CLEC17A: variants seen among roughly 807,000 people sequenced by gnomAD.
The protein encoded by CLEC17A is C-type lectin domain family 17, member A.
CLEC17A carries 37 observed loss-of-function variants against 61.3 expected under a neutral mutation model. The ratio of observed to expected loss-of-function variants is 0.60; its 90% confidence interval spans 0.46 to 0.79. The LOEUF (loss-of-function observed/expected upper bound fraction) is 0.79. CLEC17A is among the 30% of genes least tolerant of loss of function. CLEC17A has a pLI of 0.00. For synonymous variants in CLEC17A, 168 were observed against 164.9 expected (o/e 1.02, Z -0.14); for missense variants, 418 against 464.7 (o/e 0.90, Z 0.92).
At chr19:14,604,723 A>G (rs1415838154) in intron 12 of CLEC17A, among the ~76,000 whole-genome samples, 1 of 152,090 alleles carries the variant, frequency 6.6e-6, no homozygotes, top group African/African-American at 2.4e-5. Context: ...GGATCACACC[A>G]CTGCATTCCA....
intron 8 of CLEC17A, 77 bp downstream of exon 8, chr19:14,595,392 G>T: frequency 6.6e-7 from 1 of 1,514,046 alleles, no homozygotes; most frequent in South Asian, 1.1e-5. Context: ...GTGAGACCCT[G>T]AGTCAGAGGA....
chr19:14,597,805 T>A (rs1437949035), intron 10 of CLEC17A, among the ~76,000 whole-genome samples: 1 of 152,134 alleles, frequency 6.6e-6, no homozygotes, highest in African/African-American at 2.4e-5. Flanking sequence ...GGTCTCACTA[T>A]GTTGACTAAG....
In CLEC17A at chr19:14,607,005, A is replaced by C; in HGVS notation, c.907A>C (p.Lys303Gln). ...TTTTTATTTGCAGAATTTTGTGGCC[A>C]AGGCCCATGGCTCTCCACGGGTGTA... is the stretch of plus-strand genomic sequence containing the variant. ...NSFAEHNFVA[K>Q]AHGSPRVYWL... Residue 303 changes from lysine to glutamine, a missense_variant, in exon 13 of 14, where the codon AAG (lysine) becomes CAG (glutamine). Transcript: ENST00000417570. 7.8e-7 allele frequency: 1 copy of C among 1,288,622 alleles called. No individual in the cohort carries two copies. Among genetic ancestry groups the C allele is most frequent in the Non-Finnish European group, 9.9e-7 (1 of 1,014,162 alleles). 79.8% of individuals were successfully genotyped at this position (1,288,622 alleles called of 1,614,324 possible).
intron 13 of CLEC17A, among the ~76,000 whole-genome samples, chr19:14,607,816 T>A (rs2074939297): frequency 6.6e-6 from 1 of 151,914 alleles, no homozygotes; most frequent in African/African-American, 2.4e-5. Context: ...CCTCAGGTGA[T>A]CTGCCCACCT....
At chr19:14,594,381 A>G in intron 4 of CLEC17A, 136 bp from the exon 5 acceptor site, 1 of 1,134,812 alleles carries the variant, frequency 8.8e-7, no homozygotes, top group Non-Finnish European at 1.3e-6. Flanking sequence ...CCTAATCCCA[A>G]TTGCATTCTT....
intron 3 of CLEC17A, among the ~76,000 whole-genome samples, chr19:14,590,053 A>G (rs1215343405): frequency 7.0e-6 from 1 of 142,380 alleles, no homozygotes; most frequent in Non-Finnish European, 1.5e-5. Flanking sequence ...AGCTAGAACT[A>G]CCCAGCTAAG....
At chr19:14,607,874 C>A (rs1284686488) in intron 13 of CLEC17A, among the ~76,000 whole-genome samples, 1 of 151,280 alleles carries the variant, frequency 6.6e-6, no homozygotes, top group Non-Finnish European at 1.5e-5. Flanking sequence ...CTGCGCCCAA[C>A]CTTATTTTAG....
intron 12 of CLEC17A, among the ~76,000 whole-genome samples, chr19:14,600,453 ATC>A (rs201651172): frequency 0.012 from 1,837 of 152,336 alleles, 34 homozygotes; most frequent in African/African-American, 0.042. Flanking sequence ...AATAATTAAT[ATC>A]TGTTAGGTAG....
chr19:14,597,021 G>C lies in CLEC17A; in HGVS notation c.583+8G>C, dbSNP rs775626660. ...CTGTGACCCTGATTAAGTGTGAGTA[G>C]GGCCAGGAAGGGACATGGGGAGAGA... On this transcript the variant is annotated splice_region_variant and intron_variant, in intron 9 of 13. Coordinates refer to ENST00000417570, the MANE Select transcript of CLEC17A (RefSeq NM_001204118.2). 4 of 1,610,204 alleles carry C rather than the reference G, an allele frequency of 2.5e-6. No individual in the cohort carries two copies. The Admixed American group carries it at 6.7e-5, about 27-fold the overall frequency.
intron 10 of CLEC17A, 108 bp downstream of exon 10, chr19:14,597,269 C>A: frequency 1.0e-6 from 1 of 1,004,634 alleles, no homozygotes; most frequent in Non-Finnish European, 1.5e-6. Flanking sequence ...GGGCACTGTG[C>A]TAGGTACCAG....
chr19:14,593,524 G>A (rs2074471701), intron 4 of CLEC17A, among the ~76,000 whole-genome samples: 1 of 151,776 alleles, frequency 6.6e-6, no homozygotes, highest in African/African-American at 2.4e-5. Context: ...TTAGCCAGTT[G>A]TGGGATGTGT....
Position 14,600,164 on chromosome 19 carries a change from C to G in CLEC17A, c.876C>G (p.Ile292Met). The G allele has an allele frequency of 6.2e-7, 1 of 1,614,000 alleles. No homozygotes were observed. Among genetic ancestry groups the G allele is most frequent in the Non-Finnish European group, 8.5e-7 (1 of 1,179,882 alleles). ...AGAATTACTCTCACTTGGTCATCAT[C>G]AATAGCTTTGCTGAGCACGTGAGTT... ...CQENYSHLVI[I>M]NSFAEHNFVA... Residue 292 changes from isoleucine (I) to methionine (M), a missense_variant, in exon 12 of 14, where the codon ATC becomes ATG. Transcript: ENST00000417570.
intron 11 of CLEC17A, 80 bp from the exon 12 acceptor site, chr19:14,599,951 C>G: frequency 3.2e-6 from 5 of 1,554,846 alleles, no homozygotes; most frequent in Non-Finnish European, 4.4e-6. Flanking sequence ...CAGTGTACAG[C>G]CTGCACAACT....
chr19:14,585,407 C>T (rs1321619656), intron 2 of CLEC17A, among the ~76,000 whole-genome samples: 2 of 152,248 alleles, frequency 1.3e-5, no homozygotes, highest in African/African-American at 4.8e-5. Flanking sequence ...GCAGAGATGA[C>T]TGTGGTAGTC....
At chr19:14,585,486 C>T (rs1358115590) in intron 2 of CLEC17A, among the ~76,000 whole-genome samples, 1 of 152,138 alleles carries the variant, frequency 6.6e-6, no homozygotes, top group African/African-American at 2.4e-5. Context: ...TCTCTTCCCA[C>T]AATGACTCAG....
chr19:14,610,043 C>T, intron 13 of CLEC17A, 21 bp from the exon 14 acceptor site: 1 of 1,593,074 alleles, frequency 6.3e-7, no homozygotes, highest in Non-Finnish European at 8.6e-7. Context: ...TGTCCCTCTG[C>T]CCACTTTTTC....
chr19:14,610,395 A>G lies in CLEC17A; in HGVS notation c.*199A>G. 1.5e-6 allele frequency: 1 copy of G among 655,004 alleles called. No homozygotes were observed. Among genetic ancestry groups the G allele is most frequent in the Non-Finnish European group, 2.6e-6 (1 of 392,072 alleles). The allele number at this position is 655,004 out of a possible 1,614,324, so 40.6% of individuals were successfully genotyped here. ...AGTGAGGACTTGGGCTTGCCCTAGT[A>G]GATGGTGAGCTGGGAGGATGCTCAG... On this transcript the variant is annotated 3_prime_UTR_variant, in exon 14 of 14. Transcript: ENST00000417570.
At chr19:14,608,628 A>ATTTTTT (rs71166765) in intron 13 of CLEC17A, among the ~76,000 whole-genome samples, 9 of 119,726 alleles carry the variant, frequency 7.5e-5, no homozygotes, top group African/African-American at 1.9e-4. Flanking sequence ...ATGAGGAAGA[A>ATTTTTT]TTTTTTTTTT....
chr19:14,585,909 C>T (rs1359755567), intron 2 of CLEC17A, among the ~76,000 whole-genome samples: 2 of 149,476 alleles, frequency 1.3e-5, no homozygotes, highest in Non-Finnish European at 3.0e-5. Context: ...GATAACTGAC[C>T]CAGTGCCCTG....
Sources: gnomAD v4.1 joint callset for allele counts (sites outside exome capture counted in the v4.1 genomes callset) on GRCh38, gnomAD v4.1.1 for gene constraint, MANE v1.5 for transcripts, NCBI Gene and HGNC (gene_info 2026-07-23, HGNC 2026-07-21) for gene names.